ROBO1: variants seen among roughly 807,000 people sequenced by gnomAD.
ROBO1 encodes the protein roundabout guidance receptor 1.
ROBO1 carries 149 observed loss-of-function variants against 195.9 expected under a neutral mutation model. The observed-to-expected ratio is 0.76, with a 90% CI of 0.67 to 0.87. The LOEUF is 0.87. Ranked by LOEUF, ROBO1 falls within the 40% of genes least tolerant of loss-of-function variation. The probability of loss-of-function intolerance (pLI) is 0.00; values close to 1 mark genes in which losing one functional copy is unlikely to be tolerated. For missense variants in ROBO1, 1,933 were observed against 2,068.3 expected (o/e 0.93, Z 1.27); for synonymous variants, 816 against 733.2 (o/e 1.11, Z -1.82).
intron 2 of ROBO1, among the ~76,000 whole-genome samples, chr3:79,327,033 T>G (rs935557941): frequency 6.6e-6 from 1 of 152,156 alleles, no homozygotes; most frequent in Non-Finnish European, 1.5e-5. Context: ...GATGCTCAAT[T>G]GAGTTCATGC....
intron 2 of ROBO1, among the ~76,000 whole-genome samples, chr3:79,444,844 T>C (rs946871618): frequency 6.6e-6 from 1 of 152,034 alleles, no homozygotes; most frequent in Non-Finnish European, 1.5e-5. Context: ...AGGAAGAAGT[T>C]ATGGAAGAAC....
intron 2 of ROBO1, among the ~76,000 whole-genome samples, chr3:79,344,272 G>A (rs544023259): frequency 2.6e-5 from 4 of 152,112 alleles, no homozygotes; most frequent in African/African-American, 4.8e-5. Flanking sequence ...GGGACATTCC[G>A]TAACATTTGG....
intron 4 of ROBO1, among the ~76,000 whole-genome samples, chr3:78,837,694 A>C (rs1184116085): frequency 6.6e-6 from 1 of 152,130 alleles, no homozygotes; most frequent in Non-Finnish European, 1.5e-5. Flanking sequence ...AAATAATGAA[A>C]ATGTTTCCTT....
intron 26 of ROBO1, among the ~76,000 whole-genome samples, chr3:78,624,199 A>G (rs1332750582): frequency 1.3e-5 from 2 of 152,178 alleles, no homozygotes; most frequent in Admixed American, 1.3e-4. Context: ...GAGAAGAAAG[A>G]TTGAAAGGAT....
Position 79,194,111 on chromosome 3 carries a change from G to C in ROBO1, c.89-68572C>G, listed in dbSNP as rs1376867876. Among the ~76,000 whole-genome samples, 5 of 151,654 alleles carry C rather than the reference G, an allele frequency of 3.3e-5. No homozygotes were observed. The East Asian group carries it at 9.7e-4, about 29-fold the overall frequency. On this transcript the variant is annotated intron_variant, in intron 2 of 30. Coordinates refer to ENST00000464233, the MANE Select transcript of ROBO1 (RefSeq NM_002941.4). Reference sequence around the variant, plus strand: ...GATCCCCTGATTTGTTGAGATTATAGAATCCTAATCTGGAAAGTAAATATA... The same window carrying C: ...GATCCCCTGATTTGTTGAGATTATACAATCCTAATCTGGAAAGTAAATATA...
intron 5 of ROBO1, among the ~76,000 whole-genome samples, chr3:78,720,553 A>G (rs573477937): frequency 6.6e-6 from 1 of 152,216 alleles, no homozygotes; most frequent in Non-Finnish European, 1.5e-5. Flanking sequence ...TCAGGGATCT[A>G]GAACTAGAAA....
intron 1 of ROBO1, among the ~76,000 whole-genome samples, chr3:79,607,903 T>TG (rs1242642820): frequency 6.6e-6 from 1 of 152,030 alleles, no homozygotes; most frequent in Non-Finnish European, 1.5e-5. Flanking sequence ...GTTGAATATT[T>TG]GCAGTCATTA....
chr3:79,582,738 A>G (rs950678081), intron 2 of ROBO1, among the ~76,000 whole-genome samples: 1 of 152,034 alleles, frequency 6.6e-6, no homozygotes, highest in Non-Finnish European at 1.5e-5. Flanking sequence ...TGGCTCCTCC[A>G]GATTTGAACT....
At chr3:79,378,922 C>A (rs1384998840) in intron 2 of ROBO1, among the ~76,000 whole-genome samples, 1 of 152,242 alleles carries the variant, frequency 6.6e-6, no homozygotes, top group Non-Finnish European at 1.5e-5. Context: ...CCTGGAGCTT[C>A]ACATTCCTCA....
At position 79,226,581 on chromosome 3, in the gene ROBO1, C is replaced by A. The variant is rs536725424; in HGVS notation, c.89-101042G>T. Among the ~76,000 whole-genome samples, 9 of 151,128 alleles carry A rather than the reference C, an allele frequency of 6.0e-5. No individual in the cohort carries two copies. In the South Asian group the frequency reaches 1.9e-3, roughly 32 times the overall value. On this transcript the variant is annotated intron_variant, in intron 2 of 30. Transcript: ENST00000464233. ...TTTAAGACAGAGTTTCCCTCTGTCA[C>A]CCAGTCTGGAGTGCAGTGGCATGAT...
intron 4 of ROBO1, 117 bp downstream of exon 4, chr3:78,938,484 A>C: frequency 1.3e-6 from 1 of 788,598 alleles, no homozygotes; most frequent in African/African-American, 1.7e-5. Flanking sequence ...ATACAAAGCT[A>C]GAGTTTATCC....
At chr3:78,821,030 CTCCTTT>C (rs2030858532) in intron 4 of ROBO1, among the ~76,000 whole-genome samples, 1 of 152,146 alleles carries the variant, frequency 6.6e-6, no homozygotes, top group East Asian at 1.9e-4. Flanking sequence ...TAGTTCATTT[CTCCTTT>C]TGTGTACAAA....
chr3:79,072,687 T>C (rs887165815), intron 3 of ROBO1, among the ~76,000 whole-genome samples: 9 of 151,972 alleles, frequency 5.9e-5, no homozygotes, highest in African/African-American at 2.2e-4. Flanking sequence ...AGGATAAAAT[T>C]TTTATGTACT....
At chr3:79,744,090 T>C (rs1703767749) in intron 1 of ROBO1, among the ~76,000 whole-genome samples, 1 of 152,224 alleles carries the variant, frequency 6.6e-6, no homozygotes, top group South Asian at 2.1e-4. Context: ...TGCTTCACTA[T>C]TACAAGACTA....
chr3:79,025,300 C>T (rs1030740738), intron 3 of ROBO1, among the ~76,000 whole-genome samples: 4 of 152,276 alleles, frequency 2.6e-5, no homozygotes, highest in Non-Finnish European at 5.9e-5. Flanking sequence ...AACTTACATT[C>T]GCACGCAATA....
Position 78,672,592 on chromosome 3 carries a change from C to T in ROBO1, c.1343-2291G>A, listed in dbSNP as rs867100845. Among the ~76,000 whole-genome samples the T allele has an allele frequency of 1.5e-3, 130 of 89,606 alleles. 2 individuals carry two copies. In the South Asian group the frequency reaches 0.045, roughly 31 times the overall value. The allele number at this position is 89,606 out of a possible 152,430, so 58.8% of individuals were successfully genotyped here. ...CCTGGGTGACAGAGTGAGACCCTGT[C>T]TCAAAAAAAAAAAAAAAAAAAAGAG... On this transcript the variant is annotated intron_variant, in intron 10 of 30. Transcript: ENST00000464233.
At chr3:78,681,203 G>T (rs1352974902) in intron 10 of ROBO1, among the ~76,000 whole-genome samples, 1 of 151,854 alleles carries the variant, frequency 6.6e-6, no homozygotes, top group Non-Finnish European at 1.5e-5. Flanking sequence ...GGAGTGGGGA[G>T]GGATAGCATT....
intron 2 of ROBO1, among the ~76,000 whole-genome samples, chr3:79,325,447 TA>T (rs1308588148): frequency 1.3e-5 from 2 of 152,212 alleles, no homozygotes; most frequent in East Asian, 3.9e-4. Flanking sequence ...CTGCAAAAGG[TA>T]AAGCAATATT....
intron 2 of ROBO1, among the ~76,000 whole-genome samples, chr3:79,199,048 A>G (rs2081705843): frequency 6.6e-6 from 1 of 152,002 alleles, no homozygotes; most frequent in African/African-American, 2.4e-5. Flanking sequence ...TGCCCTGGCC[A>G]GAGCTTCCAA....
Sources: allele counts gnomAD v4.1 joint callset (sites outside exome capture counted in the v4.1 genomes callset), GRCh38; gene constraint gnomAD v4.1.1; transcripts MANE v1.5; gene names NCBI Gene and HGNC (gene_info 2026-07-23, HGNC 2026-07-21).